Variants in CSGALNACT1 observed in about 807,000 individuals in gnomAD.
CSGALNACT1 encodes the protein chondroitin sulfate N-acetylgalactosaminyltransferase 1.
A neutral mutation model predicts 51.0 loss-of-function variants in CSGALNACT1; 52 were observed. The ratio of observed to expected loss-of-function variants is 1.02; its 90% CI spans 0.82 to 1.29. CSGALNACT1 has a LOEUF of 1.29. Ranked by LOEUF, CSGALNACT1 falls within the 50% of genes most tolerant of loss-of-function variation. CSGALNACT1 has a pLI of 0.00. For missense variants in CSGALNACT1, 935 were observed against 679.2 expected, an observed-to-expected ratio of 1.38 and a Z score of -4.19; for synonymous variants, 341 against 254.4, an observed-to-expected ratio of 1.34 and a Z score of -3.24.
intron 1 of CSGALNACT1, among the ~76,000 whole-genome samples, chr8:19,626,443 TG>T (rs1190464336): frequency 8.5e-5 from 13 of 152,220 alleles, no homozygotes; most frequent in African/African-American, 3.1e-4. Context: ...TAGATCAAAA[TG>T]GATCCTAGAT....
At chr8:19,570,443 C>G (rs1030702646) in intron 3 of CSGALNACT1, among the ~76,000 whole-genome samples, 1 of 152,134 alleles carries the variant, frequency 6.6e-6, no homozygotes, top group Admixed American at 6.6e-5. Flanking sequence ...CAATAGTACA[C>G]TCCTCATTAA....
At chr8:19,441,134 T>C (rs370557039) in intron 5 of CSGALNACT1, among the ~76,000 whole-genome samples, 30 of 152,114 alleles carry the variant, frequency 2.0e-4, no homozygotes, top group African/African-American at 7.0e-4. Context: ...GTGAAAATGG[T>C]CATACTGCCC....
upstream of CSGALNACT1, among the ~76,000 whole-genome samples, chr8:19,686,337 A>G (rs2060975231): frequency 6.6e-6 from 1 of 152,108 alleles, no homozygotes; most frequent in Non-Finnish European, 1.5e-5. Flanking sequence ...GAAAAAGCTC[A>G]CTCTCACTTT....
At chr8:19,608,437 A>G (rs2051715451) in intron 1 of CSGALNACT1, among the ~76,000 whole-genome samples, 1 of 152,216 alleles carries the variant, frequency 6.6e-6, no homozygotes, top group Admixed American at 6.5e-5. Context: ...CTGCAAAATC[A>G]AAGTATGGAA....
intron 1 of CSGALNACT1, among the ~76,000 whole-genome samples, chr8:19,705,936 T>C (rs964316309): frequency 7.2e-5 from 11 of 152,202 alleles, no homozygotes; most frequent in African/African-American, 2.4e-4. Context: ...TCCTCGATTA[T>C]CTTCAATTAC....
At chr8:19,558,719 G>A (rs2040030740) in intron 3 of CSGALNACT1, among the ~76,000 whole-genome samples, 1 of 152,040 alleles carries the variant, frequency 6.6e-6, no homozygotes, top group Non-Finnish European at 1.5e-5. Flanking sequence ...GGTTATCCAA[G>A]AGAGAAAAAT....
intron 1 of CSGALNACT1, among the ~76,000 whole-genome samples, chr8:19,699,156 G>C (rs1461919429): frequency 1.3e-5 from 2 of 152,160 alleles, no homozygotes; most frequent in African/African-American, 4.8e-5. Flanking sequence ...ACAGGCATGA[G>C]CCACCGCGCC....
rs536434333 is a variant in CSGALNACT1, at chr8:19,417,162, G to C, written c.1227+1494C>G. Among the ~76,000 whole-genome samples, 4 of 152,230 alleles carry C rather than the reference G, an allele frequency of 2.6e-5. No homozygotes were observed. The East Asian group carries it at 7.7e-4, about 29-fold the overall frequency. Reference sequence around the variant, plus strand: ...GAGCCACCAAACCCAGCTGAAAACTGATTCTTAAGACGTGAAAAACTCTTA... The same window carrying C: ...GAGCCACCAAACCCAGCTGAAAACTCATTCTTAAGACGTGAAAAACTCTTA... On this transcript the variant is annotated intron_variant, in intron 8 of 9. Transcript: ENST00000454498.
At chr8:19,756,125 C>T (rs1315480653) in intron 1 of CSGALNACT1, among the ~76,000 whole-genome samples, 6 of 152,128 alleles carry the variant, frequency 3.9e-5, no homozygotes, top group Non-Finnish European at 4.4e-5. Flanking sequence ...CTGCACAGGG[C>T]TTATTAATGC....
intron 1 of CSGALNACT1, among the ~76,000 whole-genome samples, chr8:19,612,974 A>AAAAAAAAAAAAAAC (rs1367423308): frequency 1.4e-5 from 2 of 146,978 alleles, no homozygotes; most frequent in African/African-American, 2.6e-5. Flanking sequence ...AAAAAAAAAA[A>AAAAAAAAAAAAAAC]AAAAAAGCAC....
intron 1 of CSGALNACT1, among the ~76,000 whole-genome samples, chr8:19,713,456 G>A (rs2062626414): frequency 6.6e-6 from 1 of 152,168 alleles, no homozygotes; most frequent in African/African-American, 2.4e-5. Flanking sequence ...ATAGGTGGAA[G>A]TCCTCACCCA....
chr8:19,674,889 G>A (rs79837666), intron 1 of CSGALNACT1, among the ~76,000 whole-genome samples: 8,924 of 152,136 alleles, frequency 0.059, 307 homozygotes, highest in African/African-American at 0.1. Context: ...AATGAGAGGG[G>A]TCATGGATGA....
At chr8:19,490,590 A>G (rs2074154998) in intron 4 of CSGALNACT1, among the ~76,000 whole-genome samples, 1 of 152,184 alleles carries the variant, frequency 6.6e-6, no homozygotes, top group Non-Finnish European at 1.5e-5. Flanking sequence ...CTGCAGAGCC[A>G]ACTGATAAAT....
At chr8:19,415,090 T>C (rs2153684523) in intron 8 of CSGALNACT1, among the ~76,000 whole-genome samples, 1 of 152,326 alleles carries the variant, frequency 6.6e-6, no homozygotes. Flanking sequence ...CTCTTGCCTC[T>C]GTACTGATAG....
At chr8:19,527,309 G>A (rs1199932315) in intron 3 of CSGALNACT1, among the ~76,000 whole-genome samples, 1 of 152,056 alleles carries the variant, frequency 6.6e-6, no homozygotes, top group Non-Finnish European at 1.5e-5. Flanking sequence ...AGGAAGAGAG[G>A]ATAAAAGAGG....
intron 8 of CSGALNACT1, among the ~76,000 whole-genome samples, chr8:19,416,845 T>A (rs760551822): frequency 6.0e-5 from 9 of 149,638 alleles, no homozygotes; most frequent in Non-Finnish European, 1.2e-4. Context: ...AAGTAACACA[T>A]GACTATAGAT....
chr8:19,599,842 A>C (rs541929170), intron 2 of CSGALNACT1, among the ~76,000 whole-genome samples: 4 of 152,218 alleles, frequency 2.6e-5, no homozygotes, highest in Non-Finnish European at 5.9e-5. Flanking sequence ...CAACGTGCAC[A>C]TTGAGAAGAC....
At chr8:19,408,771 C>T (rs530327911) in intron 8 of CSGALNACT1, 77 bp from the exon 8 acceptor site, 1 of 1,287,372 alleles carries the variant, frequency 7.8e-7, no homozygotes, top group African/African-American at 1.5e-5. Flanking sequence ...TCCTGTGAGC[C>T]ACCGTGGAGT....
chr8:19,471,942 A>C (rs573864224), intron 4 of CSGALNACT1, among the ~76,000 whole-genome samples: 3 of 152,204 alleles, frequency 2.0e-5, no homozygotes, highest in East Asian at 3.9e-4. Context: ...AGGCTGCTCA[A>C]AACAACTCCA....
Sources: gnomAD v4.1 joint callset for allele counts (sites outside exome capture counted in the v4.1 genomes callset) on GRCh38, gnomAD v4.1.1 for gene constraint, MANE v1.5 for transcripts, NCBI Gene and HGNC (gene_info 2026-07-23, HGNC 2026-07-21) for gene names.